CTNNA3: variants seen among roughly 807,000 people sequenced by gnomAD.
CTNNA3 encodes catenin alpha 3, also known as catenin alpha-3.
Under a neutral mutation model 95.7 loss-of-function variants are expected in CTNNA3, and 76 were observed. The ratio of observed to expected loss-of-function variants is 0.79; its 90% CI spans 0.66 to 0.96. CTNNA3 has a LOEUF of 0.96. Ranked by LOEUF, CTNNA3 falls within the 40% of genes least tolerant of loss-of-function variation. The pLI, the probability that CTNNA3 is intolerant of heterozygous loss-of-function variation, is 0.00. For missense variants in CTNNA3, 1,191 were observed against 1,089.8 expected, an observed-to-expected ratio of 1.09 and a Z score of -1.31; for synonymous variants, 431 against 374.4, an observed-to-expected ratio of 1.15 and a Z score of -1.74.
chr10:66,892,784 TA>T (rs1335413410), intron 7 of CTNNA3, among the ~76,000 whole-genome samples: 1 of 152,110 alleles, frequency 6.6e-6, no homozygotes, highest in African/African-American at 2.4e-5. Flanking sequence ...TCAACTGATT[TA>T]AACACTACGA....
intron 12 of CTNNA3, among the ~76,000 whole-genome samples, chr10:66,344,025 G>A (rs1035920175): frequency 1.3e-5 from 2 of 151,372 alleles, no homozygotes; most frequent in Admixed American, 6.6e-5. Flanking sequence ...TCAGGAGTTC[G>A]AGATCAGCTT....
intron 5 of CTNNA3, among the ~76,000 whole-genome samples, chr10:67,275,229 T>C (rs987871120): frequency 6.6e-6 from 1 of 152,146 alleles, no homozygotes; most frequent in African/African-American, 2.4e-5. Context: ...CCCAGTTTCA[T>C]AGATGAGCAA....
At chr10:67,327,953 A>G (rs1407168692) in intron 5 of CTNNA3, among the ~76,000 whole-genome samples, 1 of 152,122 alleles carries the variant, frequency 6.6e-6, no homozygotes, top group Non-Finnish European at 1.5e-5. Flanking sequence ...TTGCTCAGGC[A>G]TGGGAGGATC....
At position 66,925,907 on chromosome 10, in the gene CTNNA3, A is replaced by G. The variant is rs1358807285; in HGVS notation, c.1048-150383T>C. 13 of 416,538 alleles carry G rather than the reference A, an allele frequency of 3.1e-5. No homozygotes were observed. The Admixed American group carries it at 3.3e-4, about 10-fold the overall frequency. 25.8% of individuals were successfully genotyped at this position (416,538 alleles called of 1,614,324 possible). On this transcript the variant is annotated intron_variant, in intron 7 of 17. Coordinates refer to ENST00000433211, the MANE Select transcript of CTNNA3 (RefSeq NM_013266.4). ...CAGTTCCTACTGAGCCACCCAAAAGAATCATTCATTTTCCAGCAGAGAGCC... is the reference window on the plus strand; with the variant it reads ...CAGTTCCTACTGAGCCACCCAAAAGGATCATTCATTTTCCAGCAGAGAGCC...
At chr10:66,990,314 G>C (rs555254484) in intron 7 of CTNNA3, among the ~76,000 whole-genome samples, 145 of 152,248 alleles carry the variant, frequency 9.5e-4, no homozygotes, top group South Asian at 2.1e-3. Context: ...TGAAACTGTA[G>C]TACTATCCTT....
intron 3 of CTNNA3, among the ~76,000 whole-genome samples, chr10:67,584,280 T>A (rs921893081): frequency 6.6e-6 from 1 of 152,194 alleles, no homozygotes; most frequent in African/African-American, 2.4e-5. Flanking sequence ...TAGTTTTCCT[T>A]CTAACAGTCA....
chr10:67,700,890 C>A (rs1029921850), upstream of CTNNA3, among the ~76,000 whole-genome samples: 2 of 152,152 alleles, frequency 1.3e-5, no homozygotes, highest in Non-Finnish European at 2.9e-5. Flanking sequence ...AAAATTTAGA[C>A]GAATATATAA....
rs551010330 is a variant in CTNNA3, at chr10:67,651,675, G to A, written c.-5-4157C>T. ...TGAAATAATCTACCTTTTTCATTTC[G>A]TCAAAAATATAGATATATCATGAAG... On this transcript the variant is annotated intron_variant, in intron 1 of 17. Coordinates refer to ENST00000433211, the MANE Select transcript of CTNNA3 (RefSeq NM_013266.4). Among the ~76,000 whole-genome samples the A allele has an allele frequency of 1.1e-4, 16 of 151,756 alleles. No individual in the cohort carries two copies. The East Asian group carries it at 1.9e-3, about 18-fold the overall frequency.
At chr10:66,685,325 G>GTATATATATA (rs1564617459) in intron 9 of CTNNA3, among the ~76,000 whole-genome samples, 36 of 30,002 alleles carry the variant, frequency 1.2e-3, no homozygotes, top group African/African-American at 5.0e-3. Flanking sequence ...GTGTATGTGT[G>GTATATATATA]TATATATATA....
rs2078446140 is a variant in CTNNA3 at position 65,987,200 on chromosome 10, A to T, written c.2265+1492T>A. Among the ~76,000 whole-genome samples the T allele has an allele frequency of 2.0e-5, 3 of 152,080 alleles. 1 individual carries two copies. On this transcript the variant is annotated intron_variant, in intron 16 of 17. Transcript: ENST00000433211. ...AAAGCAAAAATAAACACATGGGATT[A>T]TATCAAACTAAAAAGGTTTTGCACA...
intron 4 of CTNNA3, among the ~76,000 whole-genome samples, chr10:67,526,243 T>C (rs776292394): frequency 3.9e-5 from 6 of 152,292 alleles, no homozygotes. Context: ...TTTAATCCAT[T>C]GACTTTCATA....
intron 8 of CTNNA3, among the ~76,000 whole-genome samples, chr10:66,770,713 C>G (rs1369807190): frequency 2.0e-5 from 3 of 151,692 alleles, no homozygotes; most frequent in Non-Finnish European, 4.4e-5. Flanking sequence ...AATAAAGGAA[C>G]AGAAAGAATG....
At chr10:66,115,844 C>CA (rs1012128313) in intron 13 of CTNNA3, among the ~76,000 whole-genome samples, 7 of 149,862 alleles carry the variant, frequency 4.7e-5, no homozygotes, top group South Asian at 2.1e-4. Context: ...TTTCACTGGT[C>CA]AAAAAAAAAT....
At chr10:67,480,451 A>G (rs1848174142) in intron 5 of CTNNA3, among the ~76,000 whole-genome samples, 1 of 152,234 alleles carries the variant, frequency 6.6e-6, no homozygotes, top group Non-Finnish European at 1.5e-5. Flanking sequence ...TCTTGCTGCT[A>G]TGATGGCTTG....
At chr10:65,966,218 T>C (rs954066619) in intron 17 of CTNNA3, among the ~76,000 whole-genome samples, 2 of 152,180 alleles carry the variant, frequency 1.3e-5, no homozygotes, top group African/African-American at 4.8e-5. Flanking sequence ...AAAATGAATA[T>C]CAATTAATAG....
At chr10:67,469,340 C>A (rs1847728228) in intron 5 of CTNNA3, among the ~76,000 whole-genome samples, 1 of 152,072 alleles carries the variant, frequency 6.6e-6, no homozygotes, top group Non-Finnish European at 1.5e-5. Flanking sequence ...ACACATAAAT[C>A]CCCCTAAAGT....
chr10:67,325,652 T>C (rs1841509616), intron 5 of CTNNA3, among the ~76,000 whole-genome samples: 1 of 152,214 alleles, frequency 6.6e-6, no homozygotes, highest in South Asian at 2.1e-4. Flanking sequence ...TACTTCTGAT[T>C]ATGTGATCAA....
chr10:66,589,002 T>C (rs1479998121), intron 10 of CTNNA3, among the ~76,000 whole-genome samples: 1 of 152,120 alleles, frequency 6.6e-6, no homozygotes, highest in Non-Finnish European at 1.5e-5. Context: ...ATTAAATACA[T>C]TTGTTAACTC....
chr10:66,720,228 T>C (rs1310436430), intron 9 of CTNNA3, among the ~76,000 whole-genome samples: 2 of 145,628 alleles, frequency 1.4e-5, no homozygotes, highest in African/African-American at 4.9e-5. Context: ...AAGAGATAAA[T>C]AGAAGGGCTA....
Sources: allele counts gnomAD v4.1 joint callset (sites outside exome capture counted in the v4.1 genomes callset), GRCh38; gene constraint gnomAD v4.1.1; transcripts MANE v1.5; gene names NCBI Gene and HGNC (gene_info 2026-07-23, HGNC 2026-07-21).